PRX: variants seen among roughly 807,000 people sequenced by gnomAD.
PRX encodes periaxin.
A neutral mutation model predicts 29.6 loss-of-function variants in PRX; 24 were observed. The ratio of observed to expected loss-of-function variants is 0.81; its 90% CI spans 0.59 to 1.14. The LOEUF (loss-of-function observed/expected upper bound fraction) is 1.14. Among genes scored for constraint, PRX ranks in the 50% most tolerant of loss-of-function variants. PRX has a pLI of 0.00. For synonymous variants in PRX, 772 were observed against 831.7 expected (o/e 0.93, Z 1.24); for missense variants, 1,838 against 1,926.4 (o/e 0.95, Z 0.86).
intron 1 of PRX, among the ~76,000 whole-genome samples, chr19:40,411,570 C>T (rs1331122476): frequency 2.6e-5 from 4 of 152,084 alleles, no homozygotes; most frequent in Non-Finnish European, 5.9e-5. Context: ...GGGGCAGGGA[C>T]AAGAGAGAGT....
At chr19:40,405,956 T>A (rs1434985689) in intron 4 of PRX, among the ~76,000 whole-genome samples, 6 of 146,058 alleles carry the variant, frequency 4.1e-5, no homozygotes, top group Non-Finnish European at 7.5e-5. Context: ...TTTTTAAGAG[T>A]CGGAGTCAGG....
chr19:40,408,379 G>A lies in PRX; in HGVS notation c.-238C>T. 1 of 296,738 alleles carries A rather than the reference G, an allele frequency of 3.4e-6. No individual in the cohort carries two copies. The highest frequency in any genetic ancestry group is 6.6e-6 in the Non-Finnish European group (1 of 151,728). The allele number at this position is 296,738 out of a possible 1,614,324, so 18.4% of individuals were successfully genotyped here. On this transcript the variant is annotated 5_prime_UTR_variant, in exon 2 of 7. Transcript: ENST00000324001. ...CAGCTCCTTGGGCCTCCTGGGTCCGGCGCTCTAAGAAGAATAATGTGAGCA... is the reference window on the plus strand; with the variant it reads ...CAGCTCCTTGGGCCTCCTGGGTCCGACGCTCTAAGAAGAATAATGTGAGCA...
intron 5 of PRX, among the ~76,000 whole-genome samples, chr19:40,399,067 C>A (rs145846786): frequency 1.8e-4 from 27 of 152,020 alleles, no homozygotes; most frequent in African/African-American, 6.5e-4. Context: ...CCCATCCTTA[C>A]GTTTCAGATA....
At chr19:40,411,989 G>A (rs747453805) in intron 1 of PRX, among the ~76,000 whole-genome samples, 11 of 152,248 alleles carry the variant, frequency 7.2e-5, no homozygotes, top group Non-Finnish European at 1.3e-4. Flanking sequence ...CATCTCCCTG[G>A]AGTGGGTACA....
At chr19:40,403,902 CCGGACCT>C in intron 4 of PRX, 40 bp from the exon 5 acceptor site, 1 of 1,591,630 alleles carries the variant, frequency 6.3e-7, no homozygotes, top group Non-Finnish European at 8.5e-7. Flanking sequence ...GGCTCTAGGG[CCGGACCT>C]CGCCCAGAGC....
chr19:40,403,382 C>G (rs1489202013), intron 5 of PRX, among the ~76,000 whole-genome samples: 1 of 152,118 alleles, frequency 6.6e-6, no homozygotes, highest in Non-Finnish European at 1.5e-5. Context: ...TAGCTATGTG[C>G]TAAGTGTTTT....
At chr19:40,403,611 T>A (rs1049999237) in intron 5 of PRX, 95 bp downstream of exon 5, 3 of 1,395,926 alleles carry the variant, frequency 2.1e-6, no homozygotes, top group Non-Finnish European at 2.9e-6. Flanking sequence ...CACGCCCCCA[T>A]CCCCCGGTCA....
Position 40,395,081 on chromosome 19 carries a change from C to A in PRX, c.3271G>T (p.Ala1091Ser). 6.2e-7 allele frequency: 1 copy of A among 1,613,458 alleles called. No individual in the cohort carries two copies. Among genetic ancestry groups the A allele is most frequent in the Admixed American group, 1.7e-5 (1 of 60,028 alleles). ...ACCTCGGGGATCTTAAGCTGCACAGCGGTGGACTCAGCCTTTTCCCCCGGG... is the reference window on the plus strand; with the variant it reads ...ACCTCGGGGATCTTAAGCTGCACAGAGGTGGACTCAGCCTTTTCCCCCGGG... ...ASPGEKAEST[A>S]VQLKIPEVEL... is the part of the protein sequence containing the mutation. Residue 1091 changes from alanine to serine, a missense_variant, in exon 7 of 7, where the codon GCT becomes TCT. By Grantham distance (99) the Ala-to-Ser change is moderately conservative. Transcript: ENST00000324001.
Position 40,395,751 on chromosome 19 carries a change from C to T in PRX, c.2601G>A (p.Leu867=). Residue 867 remains leucine, a synonymous_variant, in exon 7 of 7, where the codon CTG becomes CTA. Transcript: ENST00000324001. ...TTTTAGCGGCTGGGACCTGCCCCTG[C>T]AGGCCAAGTGCTCCTGGCAGGTCTA... ...VELDLPGALG[L]QGQVPAAKMG... 6.2e-7 allele frequency: 1 copy of T among 1,614,012 alleles called. No individual in the cohort carries two copies. The highest frequency in any genetic ancestry group is 8.5e-7 in the Non-Finnish European group (1 of 1,179,980).
At chr19:40,402,151 G>A (rs2079499289) in intron 5 of PRX, among the ~76,000 whole-genome samples, 1 of 151,886 alleles carries the variant, frequency 6.6e-6, no homozygotes, top group Non-Finnish European at 1.5e-5. Flanking sequence ...AGAAGATGGA[G>A]ACCATCCTGG....
intron 4 of PRX, among the ~76,000 whole-genome samples, chr19:40,404,141 C>T (rs907445094): frequency 6.6e-6 from 1 of 152,196 alleles, no homozygotes; most frequent in Non-Finnish European, 1.5e-5. Context: ...GGCACACGCC[C>T]CTCGGCGCTG....
At chr19:40,412,517 G>A (rs75617776) in intron 1 of PRX, among the ~76,000 whole-genome samples, 119 of 152,280 alleles carry the variant, frequency 7.8e-4, no homozygotes, top group African/African-American at 2.8e-3. Flanking sequence ...GAGTATGGAG[G>A]GAGGGAGCTG....
At chr19:40,402,205 T>A (rs1445131439) in intron 5 of PRX, among the ~76,000 whole-genome samples, 1 of 149,518 alleles carries the variant, frequency 6.7e-6, no homozygotes, top group Admixed American at 6.7e-5. Flanking sequence ...ACAAAAAAAA[T>A]TAGCCGGGCA....
chr19:40,397,603 T>C lies in PRX; in HGVS notation c.749A>G (p.Gln250Arg). 1 of 1,541,516 alleles carries C rather than the reference T, an allele frequency of 6.5e-7. No homozygotes were observed. Among genetic ancestry groups the C allele is most frequent in the Non-Finnish European group, 8.7e-7 (1 of 1,148,490 alleles). ...RLPGAEVGVP[Q>R]VSAPKAAPSA... ...GGGGGCAGCCTTGGGGGCTGAGACCTGGGGGACACCCACCTCCGCCCCTGG... is the reference window on the plus strand; with the variant it reads ...GGGGGCAGCCTTGGGGGCTGAGACCCGGGGGACACCCACCTCCGCCCCTGG... The change falls in exon 7 of 7, where the codon CAG becomes CGG. Residue 250 changes from glutamine (Q) to arginine (R), a missense_variant. Transcript: ENST00000324001.
At chr19:40,410,552 G>C (rs1391174217) in intron 1 of PRX, among the ~76,000 whole-genome samples, 3 of 152,152 alleles carry the variant, frequency 2.0e-5, no homozygotes, top group Non-Finnish European at 4.4e-5. Context: ...CACCTTCCAG[G>C]CTGTGCCAGG....
chr19:40,408,683 G>A (rs887428900), intron 1 of PRX, among the ~76,000 whole-genome samples: 2 of 152,190 alleles, frequency 1.3e-5, no homozygotes, highest in Admixed American at 1.3e-4. Context: ...CCAGGCTGGA[G>A]TGCAGTGGTG....
chr19:40,403,119 G>A (rs925659019), intron 5 of PRX, among the ~76,000 whole-genome samples: 3 of 152,154 alleles, frequency 2.0e-5, no homozygotes, highest in African/African-American at 4.8e-5. Flanking sequence ...GCAGTGAGCC[G>A]AGATCGTGCC....
chr19:40,399,859 C>CTTTCTTTCTTTCTTTCTTTT (rs2079477055), intron 5 of PRX, among the ~76,000 whole-genome samples: 1 of 60,490 alleles, frequency 1.7e-5, no homozygotes, highest in Admixed American at 1.5e-4. Context: ...TCCTTTCTTT[C>CTTTCTTTCTTTCTTTCTTTT]TTTCTTTCTT....
chr19:40,407,213 TG>T (rs1270095794), intron 4 of PRX, among the ~76,000 whole-genome samples: 4 of 15,904 alleles, frequency 2.5e-4, no homozygotes, highest in South Asian at 2.1e-3. Context: ...TATATGCCCT[TG>T]TGTGTGTGTG....
Sources: allele counts gnomAD v4.1 joint callset (sites outside exome capture counted in the v4.1 genomes callset), GRCh38; gene constraint gnomAD v4.1.1; transcripts MANE v1.5; gene names NCBI Gene and HGNC (gene_info 2026-07-23, HGNC 2026-07-21).